The following RABGEF1 variants were observed in gnomAD, a reference collection of about 807,000 sequenced individuals.
RABGEF1 encodes RAB guanine nucleotide exchange factor 1.
A neutral mutation model predicts 57.3 loss-of-function variants in RABGEF1; 26 were observed. The observed-to-expected ratio is 0.45, with a 90% confidence interval of 0.33 to 0.63. The LOEUF is 0.63. RABGEF1 is among the 20% of genes least tolerant of loss of function. The probability of loss-of-function intolerance (pLI) is 0.02; values close to 1 mark genes in which losing one functional copy is unlikely to be tolerated. For synonymous variants in RABGEF1, 185 were observed against 210.7 expected (o/e 0.88, Z 1.06); for missense variants, 464 against 607.6 (o/e 0.76, Z 2.48).
At chr7:66,684,996 C>T (rs1436620096) in intron 1 of RABGEF1, among the ~76,000 whole-genome samples, 1 of 152,004 alleles carries the variant, frequency 6.6e-6, no homozygotes, top group Non-Finnish European at 1.5e-5. Context: ...AACCCCTGGC[C>T]TCAAGTGATT....
At chr7:66,693,165 G>A (rs145953582) in intron 1 of RABGEF1, among the ~76,000 whole-genome samples, 1,543 of 152,130 alleles carry the variant, frequency 0.01, 18 homozygotes, top group Non-Finnish European at 0.016. Flanking sequence ...GGAGATTCGG[G>A]GACAGGGTAT....
At chr7:66,789,999 A>G (rs147842836) in intron 4 of RABGEF1, among the ~76,000 whole-genome samples, 26 of 152,360 alleles carry the variant, frequency 1.7e-4, no homozygotes, top group South Asian at 8.3e-4. Context: ...TCATGGAAGA[A>G]GTCAAGTTAG....
At chr7:66,730,233 C>T (rs948561028) in intron 2 of RABGEF1, among the ~76,000 whole-genome samples, 3 of 152,200 alleles carry the variant, frequency 2.0e-5, no homozygotes, top group Admixed American at 6.5e-5. Flanking sequence ...CCATCTCAGA[C>T]CACCTGGGAG....
chr7:66,782,701 G>T (rs1211164386), intron 3 of RABGEF1, among the ~76,000 whole-genome samples: 2 of 151,782 alleles, frequency 1.3e-5, no homozygotes, highest in Middle Eastern at 3.2e-3. Flanking sequence ...TAGGAGAATC[G>T]CTTGAACCTG....
chr7:66,759,093 G>C (rs1803550061), intron 1 of RABGEF1, among the ~76,000 whole-genome samples: 1 of 152,136 alleles, frequency 6.6e-6, no homozygotes, highest in African/African-American at 2.4e-5. Context: ...GATTCCTGTA[G>C]CCACCACCAT....
chr7:66,771,494 C>T (rs1807122061), intron 1 of RABGEF1, among the ~76,000 whole-genome samples: 1 of 152,106 alleles, frequency 6.6e-6, no homozygotes, highest in Non-Finnish European at 1.5e-5. Flanking sequence ...CTTTTGTTGC[C>T]TGTGCTTTTG....
At chr7:66,732,895 A>G (rs1370148111) in intron 2 of RABGEF1, among the ~76,000 whole-genome samples, 1 of 152,134 alleles carries the variant, frequency 6.6e-6, no homozygotes, top group Non-Finnish European at 1.5e-5. Flanking sequence ...CCTCTGCCAG[A>G]ATTCCCTGAC....
intron 1 of RABGEF1, among the ~76,000 whole-genome samples, chr7:66,692,393 G>A (rs1791654544): frequency 6.6e-6 from 1 of 152,138 alleles, no homozygotes; most frequent in African/African-American, 2.4e-5. Flanking sequence ...TTGTCTTAAG[G>A]TAAGAAGAAC....
chr7:66,805,472 G>A, intron 8 of RABGEF1, 76 bp downstream of exon 8: 1 of 1,578,504 alleles, frequency 6.3e-7, no homozygotes, highest in Non-Finnish European at 8.6e-7. Flanking sequence ...AGGTCACTTA[G>A]GCCCGTGACA....
rs1195461459 is a variant in RABGEF1 at position 66,789,458 on chromosome 7, G to A, written c.513+5617G>A. The stretch of plus-strand genomic sequence containing the variant: ...AGCACTTTGGGAGGCTGAGATGGGC[G>A]GATCACAAGGTCAGGAGATCGAGAC... On this transcript the variant is annotated intron_variant, in intron 4 of 8. Transcript: ENST00000284957. Among the ~76,000 whole-genome samples, 8 of 151,976 alleles carry A rather than the reference G, an allele frequency of 5.3e-5. No homozygotes were observed. In the East Asian group the frequency reaches 5.8e-4, roughly 11 times the overall value.
chr7:66,801,403 C>A (rs563036657), intron 7 of RABGEF1, among the ~76,000 whole-genome samples: 16 of 152,232 alleles, frequency 1.1e-4, no homozygotes, highest in Non-Finnish European at 1.9e-4. Context: ...CTGTTATATT[C>A]TCTTAATTAC....
intron 2 of RABGEF1, among the ~76,000 whole-genome samples, chr7:66,727,904 C>T (rs1796771229): frequency 6.6e-6 from 1 of 152,044 alleles, no homozygotes; most frequent in South Asian, 2.1e-4. Flanking sequence ...CCTCTGGAGC[C>T]TTTTGCCACC....
chr7:66,797,932 C>T (rs1474783247), intron 6 of RABGEF1, among the ~76,000 whole-genome samples: 3 of 152,100 alleles, frequency 2.0e-5, no homozygotes, highest in Admixed American at 6.5e-5. Context: ...GCCCAGGCAA[C>T]GTGGTAAAAC....
intron 1 of RABGEF1, among the ~76,000 whole-genome samples, chr7:66,682,803 C>T (rs1244402999): frequency 1.3e-5 from 2 of 152,194 alleles, no homozygotes; most frequent in African/African-American, 4.8e-5. Context: ...GACTTCCACC[C>T]CGTGGCTGAG....
rs2129133357 is a variant in RABGEF1, at chr7:66,779,598, G to A, written c.347-4077G>A. Among the ~76,000 whole-genome samples the A allele has an allele frequency of 2.6e-5, 4 of 151,820 alleles. 1 individual carries two copies. The Middle Eastern group carries it at 0.01, about 387-fold the overall frequency. On this transcript the variant is annotated intron_variant, in intron 3 of 8. Coordinates refer to ENST00000284957, the MANE Select transcript of RABGEF1 (RefSeq NM_014504.3). ...GAGATGGGAGGATCATTTGTGCCTG[G>A]GAGGTTGAGGCTGCAATGTGCTGTG...
chr7:66,748,123 C>T (rs962546573), intron 1 of RABGEF1, among the ~76,000 whole-genome samples: 12 of 152,172 alleles, frequency 7.9e-5, no homozygotes, highest in Admixed American at 4.6e-4. Flanking sequence ...TTTGGATTCC[C>T]AAAGACTTTC....
chr7:66,806,640 CTTTTTT>C (rs71997947), intron 8 of RABGEF1, among the ~76,000 whole-genome samples: 1 of 114,606 alleles, frequency 8.7e-6, no homozygotes, highest in Non-Finnish European at 1.7e-5. Context: ...CTCATATATC[CTTTTTT>C]TTTTTTTTTT....
At chr7:66,786,996 T>A (rs1261964707) in intron 4 of RABGEF1, among the ~76,000 whole-genome samples, 1 of 152,202 alleles carries the variant, frequency 6.6e-6, no homozygotes, top group Non-Finnish European at 1.5e-5. Context: ...GCTTAATTTT[T>A]AAAACCTAAT....
intron 3 of RABGEF1, among the ~76,000 whole-genome samples, chr7:66,779,404 T>A (rs1809322981): frequency 6.6e-6 from 1 of 151,336 alleles, no homozygotes; most frequent in Non-Finnish European, 1.5e-5. Context: ...CTTGGGAGGC[T>A]GAGGCAGGAG....
Sources: allele counts gnomAD v4.1 joint callset (sites outside exome capture counted in the v4.1 genomes callset), GRCh38; gene constraint gnomAD v4.1.1; transcripts MANE v1.5; gene names NCBI Gene and HGNC (gene_info 2026-07-23, HGNC 2026-07-21).